The following NCOA2 variants were observed in gnomAD, a reference collection of about 807,000 sequenced individuals.
NCOA2 encodes nuclear receptor coactivator 2.
A neutral mutation model predicts 145.1 loss-of-function variants in NCOA2; 21 were observed. The observed-to-expected ratio is 0.14, with a 90% CI of 0.10 to 0.21. NCOA2 has a LOEUF of 0.21. Among genes scored for constraint, NCOA2 ranks in the 10% least tolerant of loss-of-function variants. The pLI is 1.00. For missense variants in NCOA2, 1,472 were observed against 1,837.6 expected (o/e 0.80, Z 3.64); for synonymous variants, 619 against 637.5 (o/e 0.97, Z 0.44).
intron 11 of NCOA2, among the ~76,000 whole-genome samples, chr8:70,149,875 C>T (rs1426895945): frequency 1.3e-5 from 2 of 152,172 alleles, no homozygotes; most frequent in African/African-American, 4.8e-5. Flanking sequence ...CTTTCATCTA[C>T]ACTGGCAAAT....
At chr8:70,301,612 C>T (rs1827493712) in intron 1 of NCOA2, among the ~76,000 whole-genome samples, 1 of 142,994 alleles carries the variant, frequency 7.0e-6, no homozygotes, top group Admixed American at 7.3e-5. Context: ...GTCGTGATCA[C>T]GCCACTGCAT....
upstream of NCOA2, among the ~76,000 whole-genome samples, chr8:70,405,441 T>TTTG (rs1323913967): frequency 1.4e-4 from 16 of 115,108 alleles, no homozygotes; most frequent in East Asian, 9.5e-4. Flanking sequence ...TTAAAGGTTT[T>TTTG]TTTTTTTTTT....
intron 1 of NCOA2, among the ~76,000 whole-genome samples, chr8:70,317,247 G>A (rs1805660293): frequency 6.6e-6 from 1 of 152,194 alleles, no homozygotes; most frequent in Admixed American, 6.5e-5. Context: ...TGGCTAGTCA[G>A]TCAAGGGGAT....
intron 2 of NCOA2, among the ~76,000 whole-genome samples, chr8:70,266,384 C>T (rs1824594464): frequency 6.6e-6 from 1 of 152,172 alleles, no homozygotes; most frequent in Admixed American, 6.5e-5. Context: ...TTGTTAGCTC[C>T]TGGAATTTAA....
intron 2 of NCOA2, among the ~76,000 whole-genome samples, chr8:70,231,886 A>C (rs991509168): frequency 1.3e-5 from 2 of 152,042 alleles, no homozygotes; most frequent in Non-Finnish European, 2.9e-5. Flanking sequence ...TTAATCCCCC[A>C]CAGTTACTGA....
At chr8:70,229,694 GA>G (rs1820969460) in intron 2 of NCOA2, among the ~76,000 whole-genome samples, 1 of 152,078 alleles carries the variant, frequency 6.6e-6, no homozygotes, top group South Asian at 2.1e-4. Context: ...GAGCCAGCAC[GA>G]CCCCAGAACC....
Position 70,366,012 on chromosome 8 carries a change from C to G in NCOA2, c.-77+37688G>C, listed in dbSNP as rs192141963. On this transcript the variant is annotated intron_variant, in intron 1 of 22. Coordinates refer to ENST00000452400, the MANE Select transcript of NCOA2 (RefSeq NM_006540.4). ...CAAGAGATGAACATAATTATTAAATCTGCACCTCATGCAACTCAGGGAAAA... is the reference window on the plus strand; with the variant it reads ...CAAGAGATGAACATAATTATTAAATGTGCACCTCATGCAACTCAGGGAAAA... Among the ~76,000 whole-genome samples, 40 of 152,290 alleles carry G rather than the reference C, an allele frequency of 2.6e-4. No individual in the cohort carries two copies. In the East Asian group the frequency reaches 6.6e-3, roughly 25 times the overall value.
chr8:70,438,705 T>C, the NCOA2 span, among the ~76,000 whole-genome samples: 1 of 152,248 alleles, frequency 6.6e-6, no homozygotes, highest in Non-Finnish European at 1.5e-5. Context: ...AATACATGCA[T>C]TTTAATAAGG....
At chr8:70,406,106 G>T (rs774284698), upstream of NCOA2, among the ~76,000 whole-genome samples, 1 of 152,192 alleles carries the variant, frequency 6.6e-6, no homozygotes. Flanking sequence ...AAGTGCAACA[G>T]AGCCCAAGAC....
intron 4 of NCOA2, among the ~76,000 whole-genome samples, chr8:70,201,501 T>C (rs772975222): frequency 3.3e-5 from 5 of 152,216 alleles, no homozygotes; most frequent in Non-Finnish European, 5.9e-5. Flanking sequence ...CCGGAGTTAT[T>C]ACCTTACAAA....
At chr8:70,371,702 A>G (rs1811234059) in intron 1 of NCOA2, among the ~76,000 whole-genome samples, 1 of 152,206 alleles carries the variant, frequency 6.6e-6, no homozygotes, top group Non-Finnish European at 1.5e-5. Flanking sequence ...ATAAACACAA[A>G]TGTACTACAC....
chr8:70,374,030 A>G lies in NCOA2; in HGVS notation c.-77+29670T>C, dbSNP rs956312569. On this transcript the variant is annotated intron_variant, in intron 1 of 22. Coordinates refer to ENST00000452400, the MANE Select transcript of NCOA2 (RefSeq NM_006540.4). ...TATGAATTTTAGTTCCAGCCTGTCA[A>G]TTTCTATAATTTTTCACTCACTGCT... 2.0e-5 allele frequency among the ~76,000 whole-genome samples: 3 copies of G among 152,186 alleles called. No individual in the cohort carries two copies. The South Asian group carries it at 6.2e-4, about 32-fold the overall frequency.
chr8:70,118,362 G>A (rs533742768), intron 22 of NCOA2, among the ~76,000 whole-genome samples: 3 of 152,204 alleles, frequency 2.0e-5, no homozygotes, highest in East Asian at 1.9e-4. Flanking sequence ...CATAAGCCAC[G>A]ACTGAGTTGT....
At chr8:70,213,116 C>T (rs984585237) in intron 4 of NCOA2, among the ~76,000 whole-genome samples, 3 of 145,390 alleles carry the variant, frequency 2.1e-5, no homozygotes, top group African/African-American at 7.6e-5. Context: ...AAAAAAACCA[C>T]ACCAGATTAC....
chr8:70,424,687 TAACTACTCA>T, the NCOA2 span: 1 of 272,330 alleles, frequency 3.7e-6, no homozygotes, highest in East Asian at 1.1e-4. Flanking sequence ...ATCCCCGTCC[TAACTACTCA>T]ATTCTGTCTT....
chr8:70,325,345 G>A (rs889927327), intron 1 of NCOA2, among the ~76,000 whole-genome samples: 2 of 152,148 alleles, frequency 1.3e-5, no homozygotes, highest in Non-Finnish European at 2.9e-5. Context: ...TCCTGAAAAT[G>A]CTCTTTCAAT....
intron 10 of NCOA2, 92 bp downstream of exon 10, chr8:70,159,413 A>G: frequency 8.4e-7 from 1 of 1,193,122 alleles, no homozygotes; most frequent in Non-Finnish European, 1.2e-6. Context: ...GAAATGTCTA[A>G]CAAATCCTCA....
At position 70,296,772 on chromosome 8, in the gene NCOA2, A is replaced by G. The variant is rs935208637; in HGVS notation, c.-48T>C. 5.3e-5 allele frequency: 8 copies of G among 152,204 alleles called. No individual in the cohort carries two copies. The highest frequency in any genetic ancestry group is 2.1e-4 in the South Asian group (1 of 4,830). 9.4% of individuals were successfully genotyped at this position (152,204 alleles called of 1,614,324 possible). ...TGCCTGTAAACAGTGCAGAAGATCT[A>G]TAAGTGTGTAGCCAAATCCAAGAGA... On this transcript the variant is annotated 5_prime_UTR_variant, in exon 2 of 23. Transcript: ENST00000452400.
chr8:70,307,071 T>C (rs1380856085), intron 1 of NCOA2, among the ~76,000 whole-genome samples: 1 of 152,048 alleles, frequency 6.6e-6, no homozygotes, highest in Non-Finnish European at 1.5e-5. Context: ...CAACTCCTTA[T>C]TCCCTCAAAG....
Sources: gnomAD v4.1 joint callset for allele counts (sites outside exome capture counted in the v4.1 genomes callset) on GRCh38, gnomAD v4.1.1 for gene constraint, MANE v1.5 for transcripts, NCBI Gene and HGNC (gene_info 2026-07-23, HGNC 2026-07-21) for gene names.